Variants in DGKB observed in about 807,000 individuals in gnomAD.
DGKB encodes the protein 90 kDa diacylglycerol kinase.
DGKB carries 67 observed loss-of-function variants against 114.3 expected under a neutral mutation model. That is an observed-to-expected ratio of 0.59 (90% CI 0.48 to 0.72). The LOEUF (loss-of-function observed/expected upper bound fraction) is 0.72, where lower values mean the gene tolerates loss of function less well. Ranked by LOEUF, DGKB falls within the 30% of genes least tolerant of loss-of-function variation. DGKB has a pLI of 0.00. For missense variants in DGKB, 907 were observed against 975.2 expected (o/e 0.93, Z 0.93); for synonymous variants, 398 against 323.1 (o/e 1.23, Z -2.49).
rs1363822605 is a variant in DGKB at position 14,597,504 on chromosome 7, T to C, written c.1433+9930A>G. On this transcript the variant is annotated intron_variant, in intron 17 of 25. Transcript: ENST00000402815. ...ATCCAATTATCTGCTTTTCGGAGTG[T>C]GTTTATTAGGCTAAACTTGTCTTGA... Among the ~76,000 whole-genome samples the C allele has an allele frequency of 2.0e-5, 3 of 152,178 alleles. No homozygotes were observed. In the East Asian group the frequency reaches 5.8e-4, roughly 29 times the overall value.
In DGKB at chr7:14,147,489, A is replaced by G. The variant is rs1781602591; in HGVS notation, c.*1642T>C. On this transcript the variant is annotated 3_prime_UTR_variant, in exon 26 of 26. Coordinates refer to ENST00000402815, the MANE Select transcript of DGKB (RefSeq NM_001350709.2). Reference sequence around the variant, plus strand: ...CAGCATTCAGTTGAGTTTTCAAACCAAAGAACTAAAATTATAGCAATTTCA... The same window carrying G: ...CAGCATTCAGTTGAGTTTTCAAACCGAAGAACTAAAATTATAGCAATTTCA... 3 of 152,296 alleles carry G rather than the reference A, an allele frequency of 2.0e-5. No individual in the cohort carries two copies. In the South Asian group the frequency reaches 6.2e-4, roughly 32 times the overall value. The allele number at this position is 152,296 out of a possible 1,614,324, so 9.4% of individuals were successfully genotyped here. A position where few individuals can be genotyped will look rare whatever the true frequency, so the allele number is the denominator to read the frequency against.
intron 2 of DGKB, among the ~76,000 whole-genome samples, chr7:14,813,839 G>A (rs1278940658): frequency 6.6e-6 from 1 of 151,780 alleles, no homozygotes; most frequent in Admixed American, 6.6e-5. Context: ...CATTTTCATT[G>A]GTGTTATCTG....
intron 23 of DGKB, chr7:14,191,808 A>C: frequency 4.7e-6 from 2 of 423,586 alleles, no homozygotes; most frequent in South Asian, 3.8e-5. Flanking sequence ...ACTATTCTGC[A>C]CCAAACAGGC....
At chr7:14,893,396 T>C (rs1477519321) in intron 1 of DGKB, among the ~76,000 whole-genome samples, 1 of 151,450 alleles carries the variant, frequency 6.6e-6, no homozygotes, top group Non-Finnish European at 1.5e-5. Context: ...TGTTGCTGTT[T>C]TCTTCCTCTA....
At chr7:14,289,926 T>G (rs1024418394) in intron 23 of DGKB, among the ~76,000 whole-genome samples, 2 of 152,216 alleles carry the variant, frequency 1.3e-5, no homozygotes, top group Non-Finnish European at 2.9e-5. Context: ...CTGCCTTTCA[T>G]GCTTGTTACT....
chr7:14,821,593 C>T (rs115676092), intron 2 of DGKB, among the ~76,000 whole-genome samples: 335 of 152,142 alleles, frequency 2.2e-3, no homozygotes, highest in African/African-American at 7.8e-3. Flanking sequence ...TGTGGCTGAT[C>T]GTAGAAGGCA....
intron 6 of DGKB, among the ~76,000 whole-genome samples, chr7:14,706,528 A>T (rs1826267902): frequency 6.9e-6 from 1 of 145,772 alleles, no homozygotes; most frequent in Admixed American, 6.8e-5. Flanking sequence ...TTTCAGCACC[A>T]CACCACACCT....
At chr7:14,590,932 G>C (rs1198203645) in intron 17 of DGKB, among the ~76,000 whole-genome samples, 1 of 152,048 alleles carries the variant, frequency 6.6e-6, no homozygotes, top group Non-Finnish European at 1.5e-5. Flanking sequence ...TGGCAGAATA[G>C]TCACAATTTT....
intron 23 of DGKB, among the ~76,000 whole-genome samples, chr7:14,260,266 A>G (rs1796576046): frequency 6.6e-6 from 1 of 152,212 alleles, no homozygotes; most frequent in Admixed American, 6.5e-5. Context: ...CTGACTTCCA[A>G]ACAGAAATGA....
intron 1 of DGKB, among the ~76,000 whole-genome samples, chr7:14,885,940 G>C (rs114560088): frequency 8.6e-5 from 13 of 151,684 alleles, no homozygotes; most frequent in Middle Eastern, 3.4e-3. Flanking sequence ...TGAATCTACG[G>C]CTAATTTAGA....
rs567282312 is a variant in DGKB at position 14,811,154 on chromosome 7, G to A, written c.70+30040C>T. 1.7e-3 allele frequency among the ~76,000 whole-genome samples: 255 copies of A among 152,268 alleles called. 2 individuals are homozygous for A. Among genetic ancestry groups the A allele is most frequent in the African/African-American group, 5.9e-3 (246 of 41,546 alleles). ...ATTCTGGAAGCTCAGAATAGATCTC[G>A]CTGAAATACGCCAGATTTCTCAATA... On this transcript the variant is annotated intron_variant, in intron 2 of 25. Transcript: ENST00000402815.
rs1781400786 is a variant in DGKB, at chr7:14,145,645, G to T, written c.*3486C>A. ...GGCTAATTTTTGTATTTTTAGTAGA[G>T]ACGAGGTTTCACCATATTGGCCAGG... is the stretch of plus-strand genomic sequence containing the variant. On this transcript the variant is annotated 3_prime_UTR_variant, in exon 26 of 26. Transcript: ENST00000402815. The T allele has an allele frequency of 6.6e-6, 1 of 152,114 alleles. No homozygotes were observed. Among genetic ancestry groups the T allele is most frequent in the Non-Finnish European group, 1.5e-5 (1 of 68,038 alleles). The allele number at this position is 152,114 out of a possible 1,614,324, so 9.4% of individuals were successfully genotyped here.
At chr7:14,274,779 C>CT (rs1203051313) in intron 23 of DGKB, among the ~76,000 whole-genome samples, 3 of 150,964 alleles carry the variant, frequency 2.0e-5, no homozygotes, top group African/African-American at 4.9e-5. Flanking sequence ...CTCTGGTCTG[C>CT]TTTTTTTTTC....
chr7:14,599,604 A>G (rs141842929), intron 17 of DGKB, among the ~76,000 whole-genome samples: 1,950 of 152,280 alleles, frequency 0.013, 36 homozygotes, highest in African/African-American at 0.044. Flanking sequence ...CCTTGTTTAC[A>G]TTCCCTGCTA....
Position 14,693,288 on chromosome 7 carries a change from C to A in DGKB, c.711+787G>T, listed in dbSNP as rs191886436. 3.3e-5 allele frequency among the ~76,000 whole-genome samples: 5 copies of A among 152,012 alleles called. No individual in the cohort carries two copies. The East Asian group carries it at 9.7e-4, about 29-fold the overall frequency. On this transcript the variant is annotated intron_variant, in intron 9 of 25. Transcript: ENST00000402815. The stretch of plus-strand genomic sequence containing the variant: ...TCTAATTATTGCATAACTATTAATG[C>A]TGAATTTAAAAATCTGGCATACACT...
At chr7:14,206,256 G>A (rs190608625) in intron 23 of DGKB, among the ~76,000 whole-genome samples, 23 of 152,122 alleles carry the variant, frequency 1.5e-4, no homozygotes, top group African/African-American at 5.1e-4. Context: ...AGTCCAAGGT[G>A]ATAGATAGTT....
intron 21 of DGKB, among the ~76,000 whole-genome samples, chr7:14,384,999 A>AGGTAAAAATAATTGTGGCATTC (rs761141526): frequency 1.3e-5 from 2 of 152,190 alleles, no homozygotes; most frequent in South Asian, 2.1e-4. Flanking sequence ...CTTTCCTTAA[A>AGGTAAAAATAATTGTGGCATTC]GGTAAAAATA....
intron 20 of DGKB, among the ~76,000 whole-genome samples, chr7:14,547,325 A>G (rs1475465836): frequency 1.3e-5 from 2 of 152,176 alleles, no homozygotes; most frequent in African/African-American, 2.4e-5. Context: ...TACATACCAC[A>G]TAAAGGATAT....
intron 23 of DGKB, among the ~76,000 whole-genome samples, chr7:14,207,054 G>A (rs1786942781): frequency 6.6e-6 from 1 of 152,070 alleles, no homozygotes; most frequent in Non-Finnish European, 1.5e-5. Context: ...CTTACTGGGA[G>A]TTGAAGAGGT....
Sources: gnomAD v4.1 joint callset for allele counts (sites outside exome capture counted in the v4.1 genomes callset) on GRCh38, gnomAD v4.1.1 for gene constraint, MANE v1.5 for transcripts, NCBI Gene and HGNC (gene_info 2026-07-23, HGNC 2026-07-21) for gene names.